SYNE2: variants seen among roughly 807,000 people sequenced by gnomAD.
The protein encoded by SYNE2 is spectrin repeat containing nuclear envelope protein 2.
SYNE2 carries 431 observed loss-of-function variants against 856.3 expected under a neutral mutation model. The observed-to-expected ratio is 0.50, with a 90% CI of 0.47 to 0.55. The LOEUF is 0.55. SYNE2 is among the 20% of genes least tolerant of loss of function. The pLI, the probability that SYNE2 is intolerant of heterozygous loss-of-function variation, is 0.00. For synonymous variants in SYNE2, 2,923 were observed against 2,872.3 expected (o/e 1.02, Z -0.56); for missense variants, 8,129 against 8,023.2 (o/e 1.01, Z -0.50).
At chr14:64,107,666 G>A in intron 65 of SYNE2, 59 bp downstream of exon 65, 1 of 1,347,194 alleles carries the variant, frequency 7.4e-7, no homozygotes, top group African/African-American at 1.4e-5. Context: ...ACCTAGAGAT[G>A]ACCAGTGTTC....
At chr14:63,860,291 G>A (rs1025961752) in intron 1 of SYNE2, among the ~76,000 whole-genome samples, 1 of 150,834 alleles carries the variant, frequency 6.6e-6, no homozygotes, top group African/African-American at 2.5e-5. Context: ...CTCCCCTCCA[G>A]ACAGGTTCTG....
Position 64,010,072 on chromosome 14 carries a change from G to C in SYNE2, c.4684G>C (p.Ala1562Pro), listed in dbSNP as rs1297175717. 1.2e-6 allele frequency: 2 copies of C among 1,613,818 alleles called. No individual in the cohort carries two copies. The highest frequency in any genetic ancestry group is 1.1e-5 in the South Asian group (1 of 91,034). ...QKEESVISLQ[A>P]SYMGKENLKK... The stretch of plus-strand genomic sequence containing the variant: ...AGAAGAGAGTGTCATCTCCCTGCAG[G>C]CTTCGTACATGGGAAAGGAGAACCT... Residue 1562 changes from alanine (A) to proline (P), a missense_variant, in exon 32 of 116, where the codon GCT becomes CCT. Ala to Pro is a conservative substitution (Grantham distance 27). Around this residue, in one of 3 missense-constraint regions of SYNE2, gnomAD observed 2,422 missense variants for 2,357.4 expected, o/e 1.03. Transcript: ENST00000555002.
intron 31 of SYNE2, among the ~76,000 whole-genome samples, chr14:64,008,826 A>G (rs746073604): frequency 6.6e-6 from 1 of 152,070 alleles, no homozygotes; most frequent in Non-Finnish European, 1.5e-5. Context: ...ACACCACCTG[A>G]CGGCACCATC....
intron 2 of SYNE2, among the ~76,000 whole-genome samples, chr14:63,930,486 G>C (rs1001134652): frequency 1.3e-5 from 2 of 150,030 alleles, no homozygotes; most frequent in Non-Finnish European, 3.0e-5. Flanking sequence ...CTTGCCCTCT[G>C]TACACCTTCA....
At chr14:64,079,063 C>T (rs963253589) in intron 55 of SYNE2, among the ~76,000 whole-genome samples, 2 of 152,084 alleles carry the variant, frequency 1.3e-5, no homozygotes, top group Non-Finnish European at 2.9e-5. Context: ...CAGAGTGAGA[C>T]TCTGTCTCAA....
chr14:63,884,801 CATAT>C (rs112717077), intron 1 of SYNE2, among the ~76,000 whole-genome samples: 3 of 150,180 alleles, frequency 2.0e-5, no homozygotes, highest in Non-Finnish European at 3.0e-5. Flanking sequence ...GCCTTTGAAA[CATAT>C]ATATATATAT....
intron 1 of SYNE2, 133 bp downstream of exon 1, chr14:63,853,276 A>T (rs577498398): frequency 1.3e-5 from 2 of 151,340 alleles, no homozygotes; most frequent in Admixed American, 1.3e-4. Flanking sequence ...ACGGGAACCG[A>T]CCCGATGCCG....
At chr14:64,168,753 A>C in intron 92 of SYNE2, 124 bp from the exon 93 acceptor site, 1 of 721,642 alleles carries the variant, frequency 1.4e-6, no homozygotes, top group East Asian at 2.8e-5. Flanking sequence ...GTAGGTTCAA[A>C]TAATATGAAA....
At chr14:64,207,153 T>G (rs1262905530) in intron 100 of SYNE2, among the ~76,000 whole-genome samples, 1 of 152,182 alleles carries the variant, frequency 6.6e-6, no homozygotes, top group Non-Finnish European at 1.5e-5. Flanking sequence ...CCTGGTGGTG[T>G]TCATTTGTAC....
rs10137916 is a variant in SYNE2, at chr14:64,090,849, C to T, written c.11794-17C>T. 69,819 of 1,607,710 alleles carry T rather than the reference C, an allele frequency of 0.043. 2,184 individuals are homozygous for T. Among genetic ancestry groups the T allele is most frequent in the African/African-American group, 0.16 (11,593 of 74,648 alleles). ...TGTCTTTTCATTTCTGTAACATGCTCCTCTTATATAATTAAGGTCATACTT... is the reference window on the plus strand; with the variant it reads ...TGTCTTTTCATTTCTGTAACATGCTTCTCTTATATAATTAAGGTCATACTT... On this transcript the variant is annotated splice_polypyrimidine_tract_variant and intron_variant, in intron 59 of 115. Coordinates refer to ENST00000555002, the MANE Select transcript of SYNE2 (RefSeq NM_182914.3).
intron 88 of SYNE2, chr14:64,162,603 A>G: frequency 2.6e-6 from 1 of 389,748 alleles, no homozygotes; most frequent in South Asian, 2.2e-5. Context: ...GTGACCCTGT[A>G]AGAATAATAC....
chr14:63,921,472 G>A (rs539941892), intron 2 of SYNE2, among the ~76,000 whole-genome samples: 4 of 152,240 alleles, frequency 2.6e-5, no homozygotes, highest in African/African-American at 7.2e-5. Flanking sequence ...ACACAAGCCC[G>A]TAGCAGAGCT....
chr14:64,017,571 G>T (rs780278343), intron 33 of SYNE2, 24 bp from the exon 34 acceptor site: 2 of 1,590,484 alleles, frequency 1.3e-6, no homozygotes, highest in Non-Finnish European at 1.7e-6. Flanking sequence ...TACATATGTT[G>T]TTTCTCTTTT....
chr14:64,049,541 AAAG>A (rs1189988537), intron 46 of SYNE2, 67 bp from the exon 47 acceptor site: 10 of 1,531,114 alleles, frequency 6.5e-6, no homozygotes, highest in African/African-American at 1.4e-5. Context: ...CTCAAAGAGG[AAAG>A]AAGATGAATG....
chr14:64,031,591 TTC>T (rs1463685123), intron 45 of SYNE2, among the ~76,000 whole-genome samples: 1 of 152,234 alleles, frequency 6.6e-6, no homozygotes, highest in Non-Finnish European at 1.5e-5. Context: ...AGGTTTATTA[TTC>T]TCTCTGATAG....
At chr14:64,120,038 TTATATA>T (rs1238017707) in intron 67 of SYNE2, among the ~76,000 whole-genome samples, 1 of 152,202 alleles carries the variant, frequency 6.6e-6, no homozygotes, top group African/African-American at 2.4e-5. Context: ...TTGCAAGTAT[TTATATA>T]TATAATCAAA....
At position 63,883,261 on chromosome 14, in the gene SYNE2, G is replaced by A. The variant is rs142845111; in HGVS notation, c.-51-25837G>A. On this transcript the variant is annotated intron_variant, in intron 1 of 115. Transcript: ENST00000555002. ...TTTAGTAGAGACGTGGTTTTGCCAT[G>A]TTGACCAGGCTGGTCTTGAACTCCT... Among the ~76,000 whole-genome samples the A allele has an allele frequency of 1.8e-3, 270 of 152,260 alleles. 1 individual carries two copies. Among genetic ancestry groups the A allele is most frequent in the African/African-American group, 6.4e-3 (266 of 41,548 alleles).
At chr14:63,990,838 T>C in intron 20 of SYNE2, 104 bp from the exon 21 acceptor site, 2 of 940,558 alleles carry the variant, frequency 2.1e-6, no homozygotes, top group Non-Finnish European at 3.4e-6. Flanking sequence ...TAGATAGATA[T>C]CTAAATATCT....
At chr14:64,096,194 G>T (rs1431137786) in intron 61 of SYNE2, among the ~76,000 whole-genome samples, 1 of 152,038 alleles carries the variant, frequency 6.6e-6, no homozygotes. Context: ...AATAAACTAA[G>T]ACACATATTT....
Sources: allele counts gnomAD v4.1 joint callset (sites outside exome capture counted in the v4.1 genomes callset), GRCh38; gene constraint gnomAD v4.1.1; regional missense constraint gnomAD v4.1.1; transcripts MANE v1.5; gene names NCBI Gene and HGNC (gene_info 2026-07-23, HGNC 2026-07-21).